Variants in HS6ST1 observed in about 807,000 individuals in gnomAD.
HS6ST1 encodes heparan-sulfate 6-O-sulfotransferase 1.
In HS6ST1, 3 loss-of-function variants were observed where a neutral mutation model predicts 25.2. The ratio of observed to expected loss-of-function variants is 0.12; its 90% confidence interval spans 0.05 to 0.31. The LOEUF (loss-of-function observed/expected upper bound fraction) is 0.31, where lower values mean the gene tolerates loss of function less well. HS6ST1 is among the 10% of genes least tolerant of loss of function. The pLI, the probability that HS6ST1 is intolerant of heterozygous loss-of-function variation, is 1.00. For synonymous variants in HS6ST1, 204 were observed against 275.1 expected (o/e 0.74, Z 2.56); for missense variants, 310 against 609.6 (o/e 0.51, Z 5.18).
chr2:128,299,110 A>C (rs1373671483), intron 1 of HS6ST1, among the ~76,000 whole-genome samples: 1 of 152,226 alleles, frequency 6.6e-6, no homozygotes, highest in African/African-American at 2.4e-5. Flanking sequence ...CCGAGGTGTG[A>C]CCTAGCCAAG....
At chr2:128,280,845 C>T (rs1372096639) in intron 1 of HS6ST1, among the ~76,000 whole-genome samples, 2 of 152,240 alleles carry the variant, frequency 1.3e-5, no homozygotes, top group African/African-American at 4.8e-5. Context: ...CACACCCCTT[C>T]CAGAGAGCCC....
intron 1 of HS6ST1, among the ~76,000 whole-genome samples, chr2:128,282,533 C>T (rs897493964): frequency 6.6e-6 from 1 of 152,250 alleles, no homozygotes; most frequent in African/African-American, 2.4e-5. Context: ...GCTCCGCCAG[C>T]GTCCTAATGG....
intron 1 of HS6ST1, among the ~76,000 whole-genome samples, chr2:128,297,429 C>T (rs1192938968): frequency 6.6e-6 from 1 of 152,036 alleles, no homozygotes; most frequent in Non-Finnish European, 1.5e-5. Flanking sequence ...TCTTAGAACA[C>T]AGGAAAAAAG....
chr2:128,304,069 C>T (rs996578717), intron 1 of HS6ST1, among the ~76,000 whole-genome samples: 1 of 152,174 alleles, frequency 6.6e-6, no homozygotes, highest in African/African-American at 2.4e-5. Context: ...AACACCACAG[C>T]CCCCAGGTTC....
chr2:128,271,134 C>T (rs556387245), intron 1 of HS6ST1, among the ~76,000 whole-genome samples: 23 of 152,338 alleles, frequency 1.5e-4, no homozygotes, highest in African/African-American at 5.5e-4. Flanking sequence ...AGGGTCTGTG[C>T]TAGCTGACTG....
intron 1 of HS6ST1, among the ~76,000 whole-genome samples, chr2:128,281,164 C>T (rs72614432): frequency 0.012 from 1,834 of 152,346 alleles, 58 homozygotes; most frequent in East Asian, 0.095. Context: ...CTCTGGCAGA[C>T]GGAGGCACCT....
chr2:128,311,701 C>T (rs934926510), intron 1 of HS6ST1, among the ~76,000 whole-genome samples: 1 of 152,190 alleles, frequency 6.6e-6, no homozygotes, highest in African/African-American at 2.4e-5. Flanking sequence ...GGTTTCCCAT[C>T]TCCTCACCCT....
chr2:128,318,402 C>G lies in HS6ST1; in HGVS notation c.162G>C (p.Leu54=), dbSNP rs1694407449. ...GGGGGTCGGGTGTGGGGAACAGGTC[C>G]AGGTCGTCGGGCGGCGCGCGGCCGC... ...APGGRAPPDD[L]DLFPTPDPHY... The change falls in exon 1 of 2, where the codon CTG becomes CTC. Residue 54 remains leucine (L), a synonymous_variant. Coordinates refer to ENST00000259241, the MANE Select transcript of HS6ST1 (RefSeq NM_004807.3). The surrounding 1 kb of genome is among the most constrained non-coding windows in gnomAD (Gnocchi z 5.7). 6.2e-7 allele frequency: 1 copy of G among 1,604,734 alleles called. No individual in the cohort carries two copies. Among genetic ancestry groups the G allele is most frequent in the African/African-American group, 1.3e-5 (1 of 74,420 alleles).
intron 1 of HS6ST1, among the ~76,000 whole-genome samples, chr2:128,317,374 C>T (rs1024429517): frequency 1.3e-5 from 2 of 152,244 alleles, no homozygotes; most frequent in Non-Finnish European, 2.9e-5. Flanking sequence ...GGCTTTTGTT[C>T]CTCTCTCCAG....
In HS6ST1 at chr2:128,268,214, G is replaced by A. The variant is rs766927296; in HGVS notation, c.1184C>T (p.Pro395Leu). 88 of 1,608,894 alleles carry A rather than the reference G, an allele frequency of 5.5e-5. No individual in the cohort carries two copies. The highest frequency in any genetic ancestry group is 1.8e-4 in the Admixed American group (11 of 59,856). Residue 395 changes from proline (P) to leucine (L), a missense_variant, in exon 2 of 2, where the codon CCG becomes CTG. Transcript: ENST00000259241. ...EALPREDADE[P>L]GRVPTEDYMS... is the part of the protein sequence containing the mutation. ...GTAGTCCTCGGTGGGCACGCGGCCC[G>A]GCTCGTCGGCATCCTCCCGCGGCAG...
intron 1 of HS6ST1, among the ~76,000 whole-genome samples, chr2:128,286,580 G>T (rs1693865507): frequency 6.6e-6 from 1 of 152,242 alleles, no homozygotes; most frequent in East Asian, 1.9e-4. Flanking sequence ...TTGGTCAGAA[G>T]AGGAAATGAG....
At chr2:128,316,725 T>C (rs938151771) in intron 1 of HS6ST1, among the ~76,000 whole-genome samples, 1 of 150,934 alleles carries the variant, frequency 6.6e-6, no homozygotes, top group Non-Finnish European at 1.5e-5. Flanking sequence ...GTGTGTACAG[T>C]TGGGGGAGGG....
At position 128,306,895 on chromosome 2, in the gene HS6ST1, C is replaced by T. The variant is rs1014082375; in HGVS notation, c.527+11142G>A. ...CCAGGCACCAGGCTGGAGGCACAGA[C>T]AGCAGTGTCGTCACTGTCATGGGGG... On this transcript the variant is annotated intron_variant, in intron 1 of 1. Transcript: ENST00000259241. Among the ~76,000 whole-genome samples, 8 of 152,270 alleles carry T rather than the reference C, an allele frequency of 5.3e-5. No individual in the cohort carries two copies. The East Asian group carries it at 1.2e-3, about 22-fold the overall frequency.
At chr2:128,278,042 A>G (rs1693722214) in intron 1 of HS6ST1, among the ~76,000 whole-genome samples, 2 of 152,222 alleles carry the variant, frequency 1.3e-5, no homozygotes, top group Admixed American at 1.3e-4. Flanking sequence ...TACAGGACAA[A>G]CTTAGAACTG....
intron 1 of HS6ST1, among the ~76,000 whole-genome samples, chr2:128,282,366 G>A (rs866760662): frequency 1.2e-4 from 18 of 152,214 alleles, no homozygotes; most frequent in East Asian, 1.9e-4. Flanking sequence ...CAACCTGGTG[G>A]TACCTCACTG....
chr2:128,273,226 C>T (rs13009437), intron 1 of HS6ST1, among the ~76,000 whole-genome samples: 16,622 of 152,270 alleles, frequency 0.11, 1,209 homozygotes, highest in Non-Finnish European at 0.15. Context: ...GGCCCCTGCC[C>T]TAAGGCCCAA....
At chr2:128,271,432 G>C (rs1324281752) in intron 1 of HS6ST1, among the ~76,000 whole-genome samples, 1 of 152,206 alleles carries the variant, frequency 6.6e-6, no homozygotes, top group Admixed American at 6.5e-5. Context: ...GGAGGGTCCG[G>C]GTCACCTGCC....
At chr2:128,310,438 C>T (rs185160735) in intron 1 of HS6ST1, among the ~76,000 whole-genome samples, 1 of 152,202 alleles carries the variant, frequency 6.6e-6, no homozygotes, top group Non-Finnish European at 1.5e-5. Flanking sequence ...GCAGAGGCAC[C>T]GCGGCAGCAG....
intron 1 of HS6ST1, among the ~76,000 whole-genome samples, chr2:128,271,899 T>G (rs1244183559): frequency 1.6e-4 from 25 of 152,128 alleles, no homozygotes; most frequent in Admixed American, 1.6e-3. Context: ...GGCACATAAC[T>G]GCAAATGCCA....
Sources: gnomAD v4.1 joint callset for allele counts (sites outside exome capture counted in the v4.1 genomes callset) on GRCh38, gnomAD v4.1.1 for gene constraint, Gnocchi (gnomAD v3.1) non-coding constraint, MANE v1.5 for transcripts, NCBI Gene and HGNC (gene_info 2026-07-23, HGNC 2026-07-21) for gene names.